FAM227B: variants seen among roughly 807,000 people sequenced by gnomAD.
FAM227B encodes protein FAM227B.
In FAM227B, 88 loss-of-function variants were observed where a neutral mutation model predicts 73.8. The observed-to-expected ratio is 1.19, with a 90% CI of 1.00 to 1.42. FAM227B has a LOEUF of 1.42. Ranked by LOEUF, FAM227B falls within the 40% of genes most tolerant of loss-of-function variation. FAM227B has a pLI of 0.00. For synonymous variants in FAM227B, 210 were observed against 190.5 expected (o/e 1.10, Z -0.84); for missense variants, 632 against 590.9 (o/e 1.07, Z -0.72).
At chr15:49,378,099 C>T (rs1269107608) in intron 11 of FAM227B, among the ~76,000 whole-genome samples, 1 of 152,138 alleles carries the variant, frequency 6.6e-6, no homozygotes. Context: ...TTCTCAGCAT[C>T]ACTTGTTGAA....
intron 11 of FAM227B, among the ~76,000 whole-genome samples, chr15:49,442,468 A>G (rs2051754690): frequency 6.6e-6 from 1 of 151,680 alleles, no homozygotes; most frequent in Non-Finnish European, 1.5e-5. Flanking sequence ...TTTTCTCCTT[A>G]GATTACTGTA....
At chr15:49,477,891 CATT>C (rs1379688329) in intron 11 of FAM227B, among the ~76,000 whole-genome samples, 1 of 152,166 alleles carries the variant, frequency 6.6e-6, no homozygotes, top group East Asian at 1.9e-4. Context: ...AGAGGTATCT[CATT>C]GTTGTTTTAA....
chr15:49,437,983 A>C (rs1382719858), intron 11 of FAM227B, among the ~76,000 whole-genome samples: 1 of 151,606 alleles, frequency 6.6e-6, no homozygotes, highest in Non-Finnish European at 1.5e-5. Flanking sequence ...CAGGCTAGAG[A>C]AGAGGGTAGG....
At chr15:49,532,428 A>T (rs2060678965) in intron 10 of FAM227B, among the ~76,000 whole-genome samples, 1 of 151,986 alleles carries the variant, frequency 6.6e-6, no homozygotes, top group African/African-American at 2.4e-5. Context: ...AGAACAGCAA[A>T]CAATCATTTA....
intron 11 of FAM227B, among the ~76,000 whole-genome samples, chr15:49,503,263 A>C (rs960703429): frequency 1.2e-4 from 19 of 152,202 alleles, no homozygotes; most frequent in East Asian, 1.9e-4. Context: ...ACACCTTATA[A>C]AAAAATTAAT....
intron 11 of FAM227B, among the ~76,000 whole-genome samples, chr15:49,470,532 C>T (rs1203746294): frequency 6.6e-6 from 1 of 152,102 alleles, no homozygotes; most frequent in Non-Finnish European, 1.5e-5. Flanking sequence ...TTATCACTCC[C>T]ACCTAGTAAA....
chr15:49,406,494 C>T (rs2048516695), intron 11 of FAM227B, among the ~76,000 whole-genome samples: 1 of 151,632 alleles, frequency 6.6e-6, no homozygotes, highest in South Asian at 2.1e-4. Flanking sequence ...GGCGTGATCA[C>T]TCAGGGTGGG....
In FAM227B at chr15:49,620,730, A is replaced by T. The variant is rs917789666; in HGVS notation, c.-103T>A. The stretch of plus-strand genomic sequence containing the variant: ...CTACGCCTTGACAGTATGTTTCGAG[A>T]ACCGCTTCCCAATTTTGTTGTCCCA... On this transcript the variant is annotated 5_prime_UTR_variant, in exon 1 of 16. Transcript: ENST00000299338. The T allele has an allele frequency of 1.3e-5, 2 of 152,246 alleles. No homozygotes were observed. Among genetic ancestry groups the T allele is most frequent in the African/African-American group, 4.8e-5 (2 of 41,460 alleles). The allele number at this position is 152,246 out of a possible 1,614,324, so 9.4% of individuals were successfully genotyped here. A position where few individuals can be genotyped will look rare whatever the true frequency, so the allele number is the denominator to read the frequency against.
At chr15:49,618,520 T>C (rs1302727719) in intron 1 of FAM227B, among the ~76,000 whole-genome samples, 1 of 152,238 alleles carries the variant, frequency 6.6e-6, no homozygotes, top group South Asian at 2.1e-4. Context: ...GATCTTAGTA[T>C]ACTATGTGCC....
At chr15:49,435,835 T>C (rs1366838106) in intron 11 of FAM227B, among the ~76,000 whole-genome samples, 1 of 151,626 alleles carries the variant, frequency 6.6e-6, no homozygotes, top group Non-Finnish European at 1.5e-5. Context: ...AGTAAATCTG[T>C]TACTGTTGCC....
intron 3 of FAM227B, among the ~76,000 whole-genome samples, chr15:49,594,471 T>C (rs1348129165): frequency 2.6e-5 from 4 of 152,192 alleles, no homozygotes; most frequent in Admixed American, 2.6e-4. Context: ...TGCATTTGTT[T>C]TGGGGCTCTT....
intron 11 of FAM227B, among the ~76,000 whole-genome samples, chr15:49,442,955 A>G (rs1320556607): frequency 1.3e-5 from 2 of 151,784 alleles, no homozygotes; most frequent in South Asian, 2.1e-4. Flanking sequence ...AATCATGTGA[A>G]GGCAGAAATA....
chr15:49,332,729 T>C (rs1289230888), intron 14 of FAM227B, among the ~76,000 whole-genome samples: 1 of 152,232 alleles, frequency 6.6e-6, no homozygotes, highest in Non-Finnish European at 1.5e-5. Flanking sequence ...AGTAAAATTT[T>C]CTGCAAATCC....
intron 9 of FAM227B, 21 bp from the exon 10 acceptor site, chr15:49,541,827 T>C: frequency 7.4e-7 from 1 of 1,342,920 alleles, no homozygotes; most frequent in Non-Finnish European, 9.7e-7. Flanking sequence ...AAAATCAAAT[T>C]AGATTAATTT....
intron 3 of FAM227B, among the ~76,000 whole-genome samples, chr15:49,591,020 CTTTTTTTTGTTTTT>C (rs2076498906): frequency 9.4e-6 from 1 of 106,900 alleles, no homozygotes; most frequent in Non-Finnish European, 1.9e-5. Context: ...TTCTCTTTCT[CTTTTTTTTGTTTTT>C]TTTTTTTTTG....
intron 14 of FAM227B, among the ~76,000 whole-genome samples, chr15:49,333,528 T>C (rs1463166415): frequency 6.6e-6 from 1 of 152,244 alleles, no homozygotes; most frequent in African/African-American, 2.4e-5. Context: ...TCACCCGGAA[T>C]GGAACCTTGT....
At chr15:49,594,491 G>T (rs1372969108) in intron 3 of FAM227B, among the ~76,000 whole-genome samples, 3 of 152,108 alleles carry the variant, frequency 2.0e-5, no homozygotes. Flanking sequence ...TGGTCATGAA[G>T]TCTTTGCCTC....
intron 11 of FAM227B, chr15:49,486,552 T>G (rs2056415370): frequency 1.3e-5 from 2 of 152,062 alleles, no homozygotes; most frequent in Admixed American, 1.3e-4. Flanking sequence ...ACACTAAAAC[T>G]AATCTTCATT....
intron 13 of FAM227B, chr15:49,366,029 TAA>T: frequency 2.5e-6 from 2 of 805,700 alleles, no homozygotes; most frequent in Non-Finnish European, 4.5e-6. Flanking sequence ...GTAAGAGGAC[TAA>T]AAGTTAGATA....
Sources: gnomAD v4.1 joint callset for allele counts (sites outside exome capture counted in the v4.1 genomes callset) on GRCh38, gnomAD v4.1.1 for gene constraint, MANE v1.5 for transcripts, NCBI Gene and HGNC (gene_info 2026-07-23, HGNC 2026-07-21) for gene names.